The following MOV10L1 variants were observed in gnomAD, a reference collection of about 807,000 sequenced individuals.
The protein encoded by MOV10L1 is Mov10 like RNA helicase 1.
A neutral mutation model predicts 143.8 loss-of-function variants in MOV10L1; 110 were observed. The observed-to-expected ratio is 0.76, with a 90% CI of 0.66 to 0.90. The LOEUF (loss-of-function observed/expected upper bound fraction) is 0.90, where lower values mean the gene tolerates loss of function less well. Among genes scored for constraint, MOV10L1 ranks in the 40% least tolerant of loss-of-function variants. MOV10L1 has a pLI of 0.00. For missense variants in MOV10L1, 1,406 were observed against 1,526.8 expected (o/e 0.92, Z 1.32); for synonymous variants, 593 against 581.1 (o/e 1.02, Z -0.29).
intron 10 of MOV10L1, among the ~76,000 whole-genome samples, chr22:50,124,262 C>G (rs1040810756): frequency 6.6e-6 from 1 of 152,198 alleles, no homozygotes; most frequent in African/African-American, 2.4e-5. Context: ...ACTGCTTGTG[C>G]TGCTCCCATA....
chr22:50,108,427 C>T (rs2061933589), intron 4 of MOV10L1, 179 bp downstream of exon 4: 1 of 764,464 alleles, frequency 1.3e-6, no homozygotes, highest in African/African-American at 1.7e-5. Flanking sequence ...GAAACAATAA[C>T]TCCTAGTGCT....
chr22:50,156,572 A>G (rs1314784318), intron 22 of MOV10L1, among the ~76,000 whole-genome samples: 2 of 152,226 alleles, frequency 1.3e-5, no homozygotes, highest in East Asian at 1.9e-4. Context: ...TTCTGACTGT[A>G]TGAATTCAGG....
chr22:50,128,357 C>G, intron 12 of MOV10L1, 59 bp from the exon 13 acceptor site: 1 of 963,600 alleles, frequency 1.0e-6, no homozygotes, highest in Non-Finnish European at 1.6e-6. Flanking sequence ...TGATGTGTCG[C>G]TAGATAAAGA....
chr22:50,145,882 C>G, intron 19 of MOV10L1, 72 bp downstream of exon 19: 5 of 1,591,618 alleles, frequency 3.1e-6, no homozygotes, highest in Admixed American at 1.7e-5. Context: ...TAGCTTCTGT[C>G]TGAGGGGCGG....
intron 13 of MOV10L1, among the ~76,000 whole-genome samples, chr22:50,131,036 A>G (rs541967888): frequency 6.6e-6 from 1 of 150,520 alleles, no homozygotes; most frequent in East Asian, 2.0e-4. Context: ...AGCTGGGACT[A>G]CAGGTGCCCA....
intron 2 of MOV10L1, chr22:50,094,066 T>C (rs1348087021): frequency 6.6e-6 from 1 of 152,284 alleles, no homozygotes; most frequent in Non-Finnish European, 1.5e-5. Context: ...TTTGCTCTTA[T>C]TAGCATATGG....
chr22:50,103,721 G>A (rs966126159), intron 3 of MOV10L1, among the ~76,000 whole-genome samples: 3 of 152,098 alleles, frequency 2.0e-5, no homozygotes, highest in African/African-American at 4.8e-5. Flanking sequence ...ATTGTAGTCC[G>A]TGTGGCCGCA....
At chr22:50,149,033 G>T (rs79122572) in intron 19 of MOV10L1, among the ~76,000 whole-genome samples, 2,629 of 152,340 alleles carry the variant, frequency 0.017, 73 homozygotes, top group African/African-American at 0.06. Flanking sequence ...TGGCATGCAG[G>T]CCAGGCAGTG....
At chr22:50,122,525 A>G (rs2062375773) in intron 10 of MOV10L1, among the ~76,000 whole-genome samples, 1 of 152,190 alleles carries the variant, frequency 6.6e-6, no homozygotes, top group South Asian at 2.1e-4. Context: ...TTTCCAATTT[A>G]GATGCCTTTC....
chr22:50,156,538 G>T (rs1420846974), intron 22 of MOV10L1, among the ~76,000 whole-genome samples: 1 of 152,212 alleles, frequency 6.6e-6, no homozygotes, highest in Non-Finnish European at 1.5e-5. Context: ...CTTCCCTGCA[G>T]TGCCTAGCAG....
Position 50,158,039 on chromosome 22 carries a change from C to G in MOV10L1, c.3067-18C>G, listed in dbSNP as rs765325980. On this transcript the variant is annotated intron_variant, in intron 22 of 26. Transcript: ENST00000262794. The surrounding 1 kb of genome is among the most constrained non-coding windows in gnomAD (Gnocchi z 5.0). ...ATATTCATGAAGTAAAGTAGGTTTTCTCTCCTCATCAACCCAGGGCAGCGA... is the reference window on the plus strand; with the variant it reads ...ATATTCATGAAGTAAAGTAGGTTTTGTCTCCTCATCAACCCAGGGCAGCGA... The G allele has an allele frequency of 5.0e-6, 8 of 1,603,706 alleles. No individual in the cohort carries two copies. Among genetic ancestry groups the G allele is most frequent in the Admixed American group, 3.4e-5 (2 of 58,402 alleles).
In MOV10L1 at chr22:50,131,106, C is replaced by T. The variant is rs2062664300; in HGVS notation, c.1910+2599C>T. On this transcript the variant is annotated intron_variant, in intron 13 of 26. Transcript: ENST00000262794. ...TTGTATTTTTAGTGAGACGGGGTTT[C>T]ACTGTGTTAGCCAGAATGGTCTCAA... 2.1e-5 allele frequency among the ~76,000 whole-genome samples: 3 copies of T among 142,672 alleles called. No homozygotes were observed. In the South Asian group the frequency reaches 6.8e-4, roughly 32 times the overall value. The allele number at this position is 142,672 out of a possible 152,430, so 93.6% of individuals were successfully genotyped here. A position where few individuals can be genotyped will look rare whatever the true frequency, so the allele number is the denominator to read the frequency against.
intron 5 of MOV10L1, among the ~76,000 whole-genome samples, chr22:50,112,492 G>T (rs183683207): frequency 1.3e-5 from 2 of 152,182 alleles, no homozygotes; most frequent in Non-Finnish European, 2.9e-5. Flanking sequence ...CACTAGGGCC[G>T]CTAAGGAGAC....
At chr22:50,090,755 C>G in intron 1 of MOV10L1, 1 of 490,226 alleles carries the variant, frequency 2.0e-6, no homozygotes, top group Middle Eastern at 5.3e-4. Context: ...CGGCTCACCG[C>G]AACCTCCGCC....
intron 5 of MOV10L1, among the ~76,000 whole-genome samples, chr22:50,113,054 A>G (rs192380752): frequency 6.6e-6 from 1 of 152,308 alleles, no homozygotes; most frequent in African/African-American, 2.4e-5. Context: ...GGGAAGTGGC[A>G]TGAGGCAGGT....
In MOV10L1 at chr22:50,161,424, C is replaced by A; in HGVS notation, c.3611C>A (p.Pro1204Gln). 1 of 1,599,156 alleles carries A rather than the reference C, an allele frequency of 6.3e-7. No individual in the cohort carries two copies. Among genetic ancestry groups the A allele is most frequent in the Non-Finnish European group, 8.5e-7 (1 of 1,172,988 alleles). The change falls in exon 27 of 27, where the codon CCA (proline) becomes CAA (glutamine). Residue 1204 changes from proline (P) to glutamine (Q), a missense_variant. By Grantham distance (76) the Pro-to-Gln change is moderately conservative. Coordinates refer to ENST00000262794, the MANE Select transcript of MOV10L1 (RefSeq NM_018995.3). ...SYPVVPESTG[P>Q]EKHQEPS ...CCAGTGGTGCCAGAATCCACAGGAC[C>A]AGAGAAGCATCAGGAGCCCAGCTGA...
In MOV10L1 at chr22:50,115,232, C is replaced by T; in HGVS notation, c.1245C>T (p.Val415=). The part of the protein sequence containing the change: ...VPPGGKTFIV[V]ICDGKNPGRC... The stretch of plus-strand genomic sequence containing the variant: ...CAGGGGGAAAAACCTTCATTGTGGT[C>T]ATCTGTGACGGAAAGTAAGGGCCTG... The change falls in exon 8 of 27, where the codon GTC becomes GTT. Residue 415 remains valine, a synonymous_variant. Coordinates refer to ENST00000262794, the MANE Select transcript of MOV10L1 (RefSeq NM_018995.3). 19 of 1,524,168 alleles carry T rather than the reference C, an allele frequency of 1.2e-5. No individual in the cohort carries two copies. Among genetic ancestry groups the T allele is most frequent in the Non-Finnish European group, 1.7e-5 (19 of 1,146,430 alleles). 94.4% of individuals were successfully genotyped at this position (1,524,168 alleles called of 1,614,324 possible).
Position 50,090,056 on chromosome 22 carries a change from G to A in MOV10L1, c.-33G>A. 8.1e-6 allele frequency: 10 copies of A among 1,228,088 alleles called. No homozygotes were observed. Among genetic ancestry groups the A allele is most frequent in the Non-Finnish European group, 1.0e-5 (10 of 981,422 alleles). The allele number at this position is 1,228,088 out of a possible 1,614,324, so 76.1% of individuals were successfully genotyped here. On this transcript the variant is annotated 5_prime_UTR_variant, in exon 1 of 27. Transcript: ENST00000262794. ...GCGGGCGCGTGCGGGCGGCGGCAGC[G>A]GCGGTGACGGCAGCCTAGGCCGGGC...
Position 50,090,038 on chromosome 22 carries a change from C to T in MOV10L1, c.-51C>T, listed in dbSNP as rs1481786390. 1.3e-5 allele frequency: 15 copies of T among 1,129,090 alleles called. No individual in the cohort carries two copies. In the Admixed American group the frequency reaches 5.5e-4, roughly 41 times the overall value. The allele number at this position is 1,129,090 out of a possible 1,614,324, so 69.9% of individuals were successfully genotyped here. A position where few individuals can be genotyped will look rare whatever the true frequency, so the allele number is the denominator to read the frequency against. ...GCGGGCGGCGGGAGCGGCGCGGGCGCGTGCGGGCGGCGGCAGCGGCGGTGA... is the reference window on the plus strand; with the variant it reads ...GCGGGCGGCGGGAGCGGCGCGGGCGTGTGCGGGCGGCGGCAGCGGCGGTGA... On this transcript the variant is annotated 5_prime_UTR_variant, in exon 1 of 27. Coordinates refer to ENST00000262794, the MANE Select transcript of MOV10L1 (RefSeq NM_018995.3).
Sources: gnomAD v4.1 joint callset for allele counts (sites outside exome capture counted in the v4.1 genomes callset) on GRCh38, gnomAD v4.1.1 for gene constraint, Gnocchi (gnomAD v3.1) non-coding constraint, MANE v1.5 for transcripts, NCBI Gene and HGNC (gene_info 2026-07-23, HGNC 2026-07-21) for gene names.